The following DYSF variants were observed in gnomAD, a reference collection of about 807,000 sequenced individuals.
DYSF encodes dysferlin, also known as dystrophy-associated fer-1-like 1.
Under a neutral mutation model 274.9 loss-of-function variants are expected in DYSF, and 212 were observed. The observed-to-expected ratio is 0.77, with a 90% CI of 0.69 to 0.86. The LOEUF (loss-of-function observed/expected upper bound fraction) is 0.86. Ranked by LOEUF, DYSF falls within the 40% of genes least tolerant of loss-of-function variation. DYSF has a pLI of 0.00. For synonymous variants in DYSF, 1,091 were observed against 1,078.7 expected (o/e 1.01, Z -0.22); for missense variants, 2,666 against 2,783.2 (o/e 0.96, Z 0.95).
At chr2:71,635,762 A>AAAAAAAG (rs2094391399) in intron 41 of DYSF, among the ~76,000 whole-genome samples, 1 of 109,006 alleles carries the variant, frequency 9.2e-6, no homozygotes, top group African/African-American at 3.4e-5. Flanking sequence ...AAAAAAAAAA[A>AAAAAAAG]AAAGAAAGAA....
At chr2:71,523,078 T>C (rs72827527) in intron 12 of DYSF, among the ~76,000 whole-genome samples, 15,575 of 152,240 alleles carry the variant, frequency 0.1, 954 homozygotes, top group Non-Finnish European at 0.14. Flanking sequence ...TTCTCTCTCA[T>C]GAATGCCACA....
At chr2:71,660,962 A>G (rs1218191289) in intron 45 of DYSF, among the ~76,000 whole-genome samples, 1 of 151,928 alleles carries the variant, frequency 6.6e-6, no homozygotes, top group Non-Finnish European at 1.5e-5. Flanking sequence ...ACAAAAAATA[A>G]AAAACTTAGC....
chr2:71,571,509 A>C (rs1574073941), intron 29 of DYSF, among the ~76,000 whole-genome samples: 1 of 115,964 alleles, frequency 8.6e-6, no homozygotes, highest in Non-Finnish European at 1.7e-5. Context: ...GATCACACCC[A>C]CCACACACAG....
intron 45 of DYSF, among the ~76,000 whole-genome samples, chr2:71,663,704 G>C (rs1298606531): frequency 6.6e-6 from 1 of 152,236 alleles, no homozygotes; most frequent in Non-Finnish European, 1.5e-5. Flanking sequence ...TCTCGCCAGA[G>C]AAATCTTTTC....
chr2:71,503,366 A>T, intron 4 of DYSF, 47 bp downstream of exon 4: 1 of 1,596,964 alleles, frequency 6.3e-7, no homozygotes, highest in Non-Finnish European at 8.6e-7. Flanking sequence ...AGGCATTGCC[A>T]GGTGGCTTCC....
chr2:71,505,693 C>A (rs1185949753), intron 4 of DYSF, among the ~76,000 whole-genome samples: 1 of 152,218 alleles, frequency 6.6e-6, no homozygotes, highest in Non-Finnish European at 1.5e-5. Flanking sequence ...CCTGGAGGAA[C>A]CTCCAGGCCA....
intron 40 of DYSF, among the ~76,000 whole-genome samples, chr2:71,613,939 AG>A (rs2093826235): frequency 6.6e-6 from 1 of 152,066 alleles, no homozygotes; most frequent in Non-Finnish European, 1.5e-5. Context: ...AAAAGGAGGA[AG>A]GAGGCAGGGA....
chr2:71,621,215 G>A (rs943438049), intron 41 of DYSF, among the ~76,000 whole-genome samples: 1 of 151,994 alleles, frequency 6.6e-6, no homozygotes, highest in African/African-American at 2.4e-5. Context: ...GAAGTCCCAT[G>A]GTGAGGGCCA....
chr2:71,454,123 T>G lies in DYSF; in HGVS notation c.88+37T>G, dbSNP rs1055588392. Reference sequence around the variant, plus strand: ...CGACCACCCTCGCCCGGGGTCGGGGTGGGGTAGAGGAGGGGACGCCGCGGC... The same window carrying G: ...CGACCACCCTCGCCCGGGGTCGGGGGGGGGTAGAGGAGGGGACGCCGCGGC... On this transcript the variant is annotated intron_variant, in intron 1 of 54. Coordinates refer to the DYSF transcript ENST00000258104. 5 of 1,598,800 alleles carry G rather than the reference T, an allele frequency of 3.1e-6. No homozygotes were observed. The African/African-American group carries it at 6.7e-5, about 21-fold the overall frequency.
At position 71,535,051 on chromosome 2, in the gene DYSF, A is replaced by G. The variant is rs1131691788; in HGVS notation, c.1411A>G (p.Asn471Asp). 7 of 1,614,028 alleles carry G rather than the reference A, an allele frequency of 4.3e-6. No homozygotes were observed. The highest frequency in any genetic ancestry group is 5.1e-6 in the Non-Finnish European group (6 of 1,180,030). The change falls in exon 15 of 56, where the codon AAC (asparagine) becomes GAC (aspartate). Residue 471 changes from asparagine to aspartate, a missense_variant. Physicochemically the swap from Asn to Asp is conservative, Grantham distance 23. Transcript: ENST00000410020. ...CAGCAAGATCTTGGAGAAGACGGCC[A>G]ACCCTCAGTGGAACCAGAACATCAC... The part of the protein sequence containing the change: ...LCSKILEKTA[N>D]PQWNQNITLP...
Position 71,619,690 on chromosome 2 carries a change from T to G in DYSF, c.4465-857T>G, listed in dbSNP as rs1486887515. ...TGCTCTTTCTCGAACGGGCTGTGCT[T>G]CTTTCTTCCCCTCTACCTTTGCGCT... On this transcript the variant is annotated intron_variant, in intron 40 of 55. Coordinates refer to ENST00000410020, the MANE Select transcript of DYSF (RefSeq NM_001130987.2). Among the ~76,000 whole-genome samples, 5 of 152,190 alleles carry G rather than the reference T, an allele frequency of 3.3e-5. No individual in the cohort carries two copies. In the East Asian group the frequency reaches 9.6e-4, roughly 29 times the overall value.
At chr2:71,641,426 G>T (rs936795921) in intron 41 of DYSF, among the ~76,000 whole-genome samples, 5 of 152,080 alleles carry the variant, frequency 3.3e-5, no homozygotes, top group Admixed American at 6.5e-5. Flanking sequence ...TGATCCACCC[G>T]CCTCGGCCTC....
intron 34 of DYSF, 138 bp downstream of exon 34, chr2:71,600,980 A>G: frequency 2.7e-6 from 3 of 1,097,422 alleles, no homozygotes; most frequent in South Asian, 1.4e-5. Flanking sequence ...AAGTCAGGAC[A>G]CCATCTAACA....
chr2:71,621,752 T>C (rs1212562768), intron 41 of DYSF, among the ~76,000 whole-genome samples: 1 of 152,024 alleles, frequency 6.6e-6, no homozygotes, highest in Non-Finnish European at 1.5e-5. Context: ...CTCCATCTGC[T>C]GGGCTCAAGC....
intron 22 of DYSF, 90 bp from the exon 23 acceptor site, chr2:71,561,662 G>A: frequency 6.6e-7 from 1 of 1,503,850 alleles, no homozygotes; most frequent in Non-Finnish European, 9.2e-7. Context: ...AGGGGGTGGG[G>A]CCTGCTGTGA....
At chr2:71,570,873 G>T (rs1484309479) in intron 29 of DYSF, 132 bp downstream of exon 29, 1 of 1,368,148 alleles carries the variant, frequency 7.3e-7, no homozygotes, top group Non-Finnish European at 9.9e-7. Flanking sequence ...GGACTCACTG[G>T]AGGTGCTCAC....
chr2:71,528,811 G>C (rs1032745824), intron 14 of DYSF, among the ~76,000 whole-genome samples: 1 of 152,230 alleles, frequency 6.6e-6, no homozygotes, highest in African/African-American at 2.4e-5. Flanking sequence ...GTTGGGCAGA[G>C]AAAGGCCCCT....
At position 71,524,627 on chromosome 2, in the gene DYSF, A is replaced by G. The variant is rs73941454; in HGVS notation, c.1150-1593A>G. ...GTCCAAGGAGTTGGCTGCTGGGCACAGCCTGACCTTGCTATTCTCCTGTCC... is the reference window on the plus strand; with the variant it reads ...GTCCAAGGAGTTGGCTGCTGGGCACGGCCTGACCTTGCTATTCTCCTGTCC... On this transcript the variant is annotated intron_variant, in intron 12 of 55. Transcript: ENST00000410020. Among the ~76,000 whole-genome samples the G allele has an allele frequency of 5.8e-3, 884 of 152,330 alleles. 15 individuals carry two copies. The highest frequency in any genetic ancestry group is 0.02 in the African/African-American group (841 of 41,580).
rs778696000 is a variant in DYSF, at chr2:71,515,608, C to A, written c.760-15C>A. On this transcript the variant is annotated splice_polypyrimidine_tract_variant and intron_variant, in intron 7 of 55. Coordinates refer to ENST00000410020, the MANE Select transcript of DYSF (RefSeq NM_001130987.2). Reference sequence around the variant, plus strand: ...TTCCCCCTTCCTCCTGCTCTTTCCTCCTTCTGGCTTTCAGATCAGGGTCCA... The same window carrying A: ...TTCCCCCTTCCTCCTGCTCTTTCCTACTTCTGGCTTTCAGATCAGGGTCCA... 1 of 1,613,946 alleles carries A rather than the reference C, an allele frequency of 6.2e-7. No individual in the cohort carries two copies. The highest frequency in any genetic ancestry group is 2.2e-5 in the East Asian group (1 of 44,886).
Sources: allele counts gnomAD v4.1 joint callset (sites outside exome capture counted in the v4.1 genomes callset), GRCh38; gene constraint gnomAD v4.1.1; transcripts MANE v1.5; gene names NCBI Gene and HGNC (gene_info 2026-07-23, HGNC 2026-07-21).